The following FANCI variants were observed in gnomAD, a reference collection of about 807,000 sequenced individuals.
FANCI encodes FA complementation group I.
Under a neutral mutation model 176.1 loss-of-function variants are expected in FANCI, and 156 were observed. The observed-to-expected ratio is 0.89, with a 90% CI of 0.78 to 1.01. The LOEUF is 1.01. Ranked by LOEUF, FANCI falls within the 50% of genes least tolerant of loss-of-function variation. The pLI is 0.00. For missense variants in FANCI, 1,678 were observed against 1,534.1 expected (o/e 1.09, Z -1.57); for synonymous variants, 613 against 541.7 (o/e 1.13, Z -1.83).
At chr15:89,300,176 C>T in intron 25 of FANCI, 124 bp from the exon 26 acceptor site, 1 of 1,142,048 alleles carries the variant, frequency 8.8e-7, no homozygotes, top group Non-Finnish European at 1.3e-6. Flanking sequence ...TAAGAAATCA[C>T]AAAATTTTAG....
intron 9 of FANCI, among the ~76,000 whole-genome samples, chr15:89,265,076 T>C (rs1050952025): frequency 1.8e-4 from 28 of 152,256 alleles, no homozygotes; most frequent in Non-Finnish European, 4.0e-4. Flanking sequence ...TCAGATGTGC[T>C]ATTTTAACTG....
At position 89,306,250 on chromosome 15, in the gene FANCI, G is replaced by C. The variant is rs2054713701; in HGVS notation, c.3537+56G>C. ...ACCATTCTACCCCAGTGAGCCAGGAGATGAGGATGGGGCAGCAGCCCACTG... is the reference window on the plus strand; with the variant it reads ...ACCATTCTACCCCAGTGAGCCAGGACATGAGGATGGGGCAGCAGCCCACTG... On this transcript the variant is annotated intron_variant, in intron 32 of 37. Transcript: ENST00000310775. 7.1e-6 allele frequency: 11 copies of C among 1,558,998 alleles called. No individual in the cohort carries two copies. The South Asian group carries it at 1.0e-4, about 14-fold the overall frequency.
chr15:89,297,080 C>T (rs563322899), intron 24 of FANCI, among the ~76,000 whole-genome samples: 17 of 150,552 alleles, frequency 1.1e-4, no homozygotes, highest in East Asian at 1.0e-3. Context: ...ACTTCCCAGA[C>T]GGGGTGGCTG....
chr15:89,259,509 C>G (rs1190292109), intron 3 of FANCI, among the ~76,000 whole-genome samples: 4 of 152,114 alleles, frequency 2.6e-5, no homozygotes, highest in African/African-American at 9.7e-5. Context: ...TAGCAACTGC[C>G]TACGTACACT....
intron 31 of FANCI, 147 bp from the exon 32 acceptor site, chr15:89,305,860 T>G (rs982157425): frequency 2.8e-6 from 3 of 1,053,994 alleles, no homozygotes; most frequent in African/African-American, 3.2e-5. Flanking sequence ...ATATGTCTTA[T>G]CACAGCACGA....
chr15:89,294,964 A>G lies in FANCI; in HGVS notation c.2506A>G (p.Asn836Asp). The G allele has an allele frequency of 6.4e-7, 1 of 1,552,376 alleles. No homozygotes were observed. Among genetic ancestry groups the G allele is most frequent in the Non-Finnish European group, 8.7e-7 (1 of 1,147,144 alleles). The change falls in exon 24 of 38, where the codon AAT becomes GAT. Residue 836 changes from asparagine to aspartate, a missense_variant. This residue lies in a region of FANCI where 1,204 missense variants were observed against 1,077.4 expected (regional missense o/e 1.12). Coordinates refer to ENST00000310775, the MANE Select transcript of FANCI (RefSeq NM_001113378.2). ...QESLSVLRSS[N>D]EFMRYAVNVA... ...AAGCCTTTCTGTTCTCAGGTCCAGC[A>G]ATGAGTTTATGCGCTATGCAGTGAA...
intron 10 of FANCI, among the ~76,000 whole-genome samples, chr15:89,271,162 C>T (rs539751756): frequency 6.6e-6 from 1 of 152,218 alleles, no homozygotes; most frequent in South Asian, 2.1e-4. Context: ...TTTTGAGGCA[C>T]AATTTACATA....
intron 34 of FANCI, among the ~76,000 whole-genome samples, chr15:89,310,576 A>G (rs1044183775): frequency 4.6e-4 from 70 of 152,240 alleles, no homozygotes; most frequent in African/African-American, 1.7e-3. Context: ...TCTGCAGGCA[A>G]ACATTTTACA....
intron 18 of FANCI, among the ~76,000 whole-genome samples, chr15:89,287,105 C>T (rs1596295856): frequency 6.6e-6 from 1 of 151,426 alleles, no homozygotes; most frequent in Non-Finnish European, 1.5e-5. Flanking sequence ...TCCCAAGTAG[C>T]TGGGACTATA....
intron 37 of FANCI, among the ~76,000 whole-genome samples, chr15:89,316,097 C>T (rs923999622): frequency 3.3e-5 from 5 of 152,204 alleles, no homozygotes; most frequent in Non-Finnish European, 7.3e-5. Flanking sequence ...GGCAGCTGCA[C>T]TCAGGAGAGT....
intron 34 of FANCI, among the ~76,000 whole-genome samples, chr15:89,312,617 C>T (rs1450937070): frequency 2.6e-5 from 4 of 152,000 alleles, no homozygotes; most frequent in South Asian, 4.2e-4. Flanking sequence ...GCCAGGAGTT[C>T]GAGACCAGCC....
Position 89,300,387 on chromosome 15 carries a change from T to G in FANCI, c.2889+2T>G. The G allele has an allele frequency of 6.2e-7, 1 of 1,613,108 alleles. No homozygotes were observed. The highest frequency in any genetic ancestry group is 8.5e-7 in the Non-Finnish European group (1 of 1,179,338). On this transcript the variant is annotated splice_donor_variant, in intron 26 of 37. Transcript: ENST00000310775. LOFTEE classifies it high-confidence loss of function. ...GCATTCCAGATCCGGCAATTTCAGGTGAGAAGCCTTGCAAAGCTGCTGTAC... is the reference window on the plus strand; with the variant it reads ...GCATTCCAGATCCGGCAATTTCAGGGGAGAAGCCTTGCAAAGCTGCTGTAC...
At chr15:89,261,480 G>A in intron 4 of FANCI, 105 bp from the exon 5 acceptor site, 1 of 1,406,758 alleles carries the variant, frequency 7.1e-7, no homozygotes, top group Admixed American at 1.7e-5. Flanking sequence ...ACCAGTTCTG[G>A]ATCTCGGTCA....
chr15:89,296,708 G>A (rs1468869553), intron 24 of FANCI, among the ~76,000 whole-genome samples: 7 of 152,276 alleles, frequency 4.6e-5, no homozygotes, highest in Admixed American at 1.3e-4. Context: ...TGAGCTGTTG[G>A]GTACACCTCC....
intron 18 of FANCI, 125 bp from the exon 19 acceptor site, chr15:89,290,088 C>T: frequency 1.3e-5 from 10 of 789,528 alleles, no homozygotes; most frequent in Non-Finnish European, 2.2e-5. Context: ...TTAGGACTGT[C>T]AAATATGGTC....
chr15:89,267,333 T>A (rs866032962), intron 9 of FANCI, among the ~76,000 whole-genome samples: 7 of 117,654 alleles, frequency 5.9e-5, no homozygotes, highest in African/African-American at 2.4e-4. Context: ...AAAAAAAAAA[T>A]TTTTTTTTTT....
chr15:89,289,536 C>G (rs943918772), intron 18 of FANCI, among the ~76,000 whole-genome samples: 11 of 152,156 alleles, frequency 7.2e-5, no homozygotes, highest in African/African-American at 2.4e-4. Flanking sequence ...ACTTCCTGAC[C>G]TCAGGTGATC....
At chr15:89,258,576 GT>G in intron 2 of FANCI, 127 bp from the exon 3 acceptor site, 3 of 767,674 alleles carry the variant, frequency 3.9e-6, no homozygotes, top group Admixed American at 1.8e-5. Context: ...AAAAATTATG[GT>G]GTTTGTAATA....
In FANCI at chr15:89,281,037, A is replaced by C. The variant is rs1360894023; in HGVS notation, c.1382-133A>C. 3 of 864,344 alleles carry C rather than the reference A, an allele frequency of 3.5e-6. No homozygotes were observed. In the African/African-American group the frequency reaches 5.1e-5, roughly 15 times the overall value. The allele number at this position is 864,344 out of a possible 1,614,324, so 53.5% of individuals were successfully genotyped here. On this transcript the variant is annotated intron_variant, in intron 14 of 37. Coordinates refer to ENST00000310775, the MANE Select transcript of FANCI (RefSeq NM_001113378.2). ...AAAAAGTATATATAGAATCAGTAGA[A>C]ATTTGTATTGCAGTATACTTGACTT...
Sources: gnomAD v4.1 joint callset for allele counts (sites outside exome capture counted in the v4.1 genomes callset) on GRCh38, gnomAD v4.1.1 for gene constraint, gnomAD v4.1.1 regional missense constraint, MANE v1.5 for transcripts, NCBI Gene and HGNC (gene_info 2026-07-23, HGNC 2026-07-21) for gene names.